SNED1: variants seen among roughly 807,000 people sequenced by gnomAD.
SNED1 encodes sushi, nidogen and EGF like domains 1.
In SNED1, 81 loss-of-function variants were observed where a neutral mutation model predicts 166.7. The observed-to-expected ratio is 0.49, with a 90% CI of 0.41 to 0.58. The LOEUF is 0.58. Ranked by LOEUF, SNED1 falls within the 20% of genes least tolerant of loss-of-function variation. SNED1 has a pLI of 0.00. For synonymous variants in SNED1, 762 were observed against 822.0 expected (o/e 0.93, Z 1.25); for missense variants, 1,604 against 2,000.2 (o/e 0.80, Z 3.78).
In SNED1 at chr2:241,048,335, G is replaced by A. The variant is rs77411487; in HGVS notation, c.1294G>A (p.Ala432Thr). Reference protein sequence around the residue: ...CETGDHPVPDACLSAPCHNGG... With the variant: ...CETGDHPVPDTCLSAPCHNGG... ...TGCAGGAGACCATCCAGTGCCAGAC[G>A]CCTGCCTCTCGGCCCCTTGCCACAA... Residue 432 changes from alanine to threonine, a missense_variant, in exon 9 of 32, where the codon GCC (alanine) becomes ACC (threonine). Around this residue, in one of 2 missense-constraint regions of SNED1, gnomAD observed 1,237 missense variants for 1,620.8 expected, o/e 0.76. Coordinates refer to ENST00000310397, the MANE Select transcript of SNED1 (RefSeq NM_001080437.3). 137 of 1,608,534 alleles carry A rather than the reference G, an allele frequency of 8.5e-5. No individual in the cohort carries two copies. Among genetic ancestry groups the A allele is most frequent in the Non-Finnish European group, 1.1e-4 (128 of 1,178,028 alleles).
chr2:241,000,509 G>A (rs749397205), intron 1 of SNED1, among the ~76,000 whole-genome samples: 1 of 152,216 alleles, frequency 6.6e-6, no homozygotes, highest in Non-Finnish European at 1.5e-5. Context: ...TCCACTTGAG[G>A]TATGGGACAC....
intron 1 of SNED1, among the ~76,000 whole-genome samples, chr2:241,002,146 A>G (rs189300056): frequency 6.6e-6 from 1 of 151,940 alleles, no homozygotes; most frequent in East Asian, 1.9e-4. Context: ...CTGTCTCCCC[A>G]TCTGTGTGGT....
At position 241,035,890 on chromosome 2, in the gene SNED1, C is replaced by T. The variant is rs540590104; in HGVS notation, c.806-900C>T. Among the ~76,000 whole-genome samples, 384 of 75,456 alleles carry T rather than the reference C, an allele frequency of 5.1e-3. 9 individuals carry two copies. The highest frequency in any genetic ancestry group is 0.021 in the African/African-American group (361 of 17,438). The allele number at this position is 75,456 out of a possible 152,430, so 49.5% of individuals were successfully genotyped here. A position where few individuals can be genotyped will look rare whatever the true frequency, so the allele number is the denominator to read the frequency against. On this transcript the variant is annotated intron_variant, in intron 4 of 31. Coordinates refer to ENST00000310397, the MANE Select transcript of SNED1 (RefSeq NM_001080437.3). Reference sequence around the variant, plus strand: ...AGAGGGTGTGGGAGGTGGGGGCGTGCCATGGGGTGGGGGGTGCAGGCGTGC... The same window carrying T: ...AGAGGGTGTGGGAGGTGGGGGCGTGTCATGGGGTGGGGGGTGCAGGCGTGC...
chr2:241,008,287 C>T (rs986732468), intron 1 of SNED1, among the ~76,000 whole-genome samples: 5 of 152,238 alleles, frequency 3.3e-5, no homozygotes, highest in Non-Finnish European at 7.4e-5. Flanking sequence ...CAGCCCCTCC[C>T]TCCGAGGGCT....
At chr2:241,016,931 C>T (rs1282409227) in intron 1 of SNED1, among the ~76,000 whole-genome samples, 1 of 149,046 alleles carries the variant, frequency 6.7e-6, no homozygotes, top group Non-Finnish European at 1.5e-5. Flanking sequence ...CGGCTCACTG[C>T]AACCTCTGCC....
chr2:241,006,812 C>A (rs1466317778), intron 1 of SNED1, among the ~76,000 whole-genome samples: 2 of 152,110 alleles, frequency 1.3e-5, no homozygotes, highest in East Asian at 3.8e-4. Context: ...CTAAAAAGAA[C>A]CAGGGTGCCT....
At chr2:241,077,947 C>T (rs1010008227) in intron 27 of SNED1, among the ~76,000 whole-genome samples, 2 of 152,136 alleles carry the variant, frequency 1.3e-5, no homozygotes, top group African/African-American at 2.4e-5. Context: ...CAATAGTTAC[C>T]GCATGACCCA....
At chr2:241,070,800 G>C (rs2062671900) in intron 24 of SNED1, among the ~76,000 whole-genome samples, 1 of 152,232 alleles carries the variant, frequency 6.6e-6, no homozygotes, top group Non-Finnish European at 1.5e-5. Flanking sequence ...GTGGGAAAAT[G>C]CAGGAGCAGA....
In SNED1 at chr2:241,064,994, A is replaced by AG. The variant is rs2062380546; in HGVS notation, c.2713+42dup. On this transcript the variant is annotated intron_variant, in intron 20 of 31. Coordinates refer to ENST00000310397, the MANE Select transcript of SNED1 (RefSeq NM_001080437.3). The surrounding 1 kb of genome is among the most constrained non-coding windows in gnomAD (Gnocchi z 7.0). ...GGGCGCCTCCAGTGAGGGAGCCACG[A>AG]GGGGGTCCCCTCTCCCTAGAGGGCC... The AG allele has an allele frequency of 1.4e-6, 2 of 1,470,098 alleles. No homozygotes were observed. The highest frequency in any genetic ancestry group is 1.3e-5 in the South Asian group (1 of 79,358). The allele number at this position is 1,470,098 out of a possible 1,614,324, so 91.1% of individuals were successfully genotyped here.
At chr2:241,019,063 G>A (rs1312234722) in intron 1 of SNED1, among the ~76,000 whole-genome samples, 1 of 152,110 alleles carries the variant, frequency 6.6e-6, no homozygotes, top group Non-Finnish European at 1.5e-5. Context: ...TCAGGACCAG[G>A]AGCACATGCC....
chr2:241,045,097 A>C (rs2061614172), intron 8 of SNED1, among the ~76,000 whole-genome samples: 1 of 152,236 alleles, frequency 6.6e-6, no homozygotes, highest in Non-Finnish European at 1.5e-5. Flanking sequence ...GTATAAATCT[A>C]CTAAAACATT....
At chr2:241,048,865 G>C in intron 10 of SNED1, 99 bp downstream of exon 10, 3 of 1,221,508 alleles carry the variant, frequency 2.5e-6, no homozygotes, top group Admixed American at 2.0e-5. Flanking sequence ...CCAGACTGTC[G>C]ACCATTGGTT....
At position 241,071,500 on chromosome 2, in the gene SNED1, C is replaced by T. The variant is rs779191132; in HGVS notation, c.3590-76C>T. On this transcript the variant is annotated intron_variant, in intron 24 of 31. Transcript: ENST00000310397. ...CAAGCACGGCTGAGTGTGAGGGGCA[C>T]CACCCATGCCACAGGGGCAGGGACA... 4 of 1,493,638 alleles carry T rather than the reference C, an allele frequency of 2.7e-6. No homozygotes were observed. In the South Asian group the frequency reaches 3.6e-5, roughly 13 times the overall value. 92.5% of individuals were successfully genotyped at this position (1,493,638 alleles called of 1,614,324 possible).
intron 1 of SNED1, among the ~76,000 whole-genome samples, chr2:241,025,623 C>T (rs745521750): frequency 3.3e-5 from 5 of 151,998 alleles, no homozygotes; most frequent in Admixed American, 1.3e-4. Flanking sequence ...TTACATTTCC[C>T]TCTGACTTGA....
intron 27 of SNED1, among the ~76,000 whole-genome samples, chr2:241,081,259 A>T (rs570547725): frequency 6.6e-6 from 1 of 150,818 alleles, no homozygotes; most frequent in South Asian, 2.1e-4. Context: ...CATCCATTAG[A>T]GCACCAGGAG....
At chr2:241,031,498 A>T (rs1227163110) in intron 2 of SNED1, among the ~76,000 whole-genome samples, 1 of 152,242 alleles carries the variant, frequency 6.6e-6, no homozygotes, top group African/African-American at 2.4e-5. Context: ...GCCCTGGACG[A>T]AGCAGACAAG....
intron 29 of SNED1, among the ~76,000 whole-genome samples, chr2:241,086,710 A>ACTT (rs1235005855): frequency 6.6e-6 from 1 of 152,188 alleles, no homozygotes; most frequent in African/African-American, 2.4e-5. Flanking sequence ...GTTCTATGAG[A>ACTT]CTTAGCATAT....
At chr2:241,061,336 A>C (rs555587468) in intron 16 of SNED1, among the ~76,000 whole-genome samples, 1 of 152,360 alleles carries the variant, frequency 6.6e-6, no homozygotes, top group Admixed American at 6.5e-5. Flanking sequence ...TCAGCTGGTA[A>C]ATTTTCAGAA....
chr2:241,041,975 C>T lies in SNED1; in HGVS notation c.1273+1562C>T, dbSNP rs80342632. On this transcript the variant is annotated intron_variant, in intron 8 of 31. Coordinates refer to ENST00000310397, the MANE Select transcript of SNED1 (RefSeq NM_001080437.3). ...GACAACAGACAGCACAAGCCTGTCACCCCTGAGAAAAGGGAATCAAATGAG... is the reference window on the plus strand; with the variant it reads ...GACAACAGACAGCACAAGCCTGTCATCCCTGAGAAAAGGGAATCAAATGAG... Among the ~76,000 whole-genome samples the T allele has an allele frequency of 5.4e-3, 826 of 152,302 alleles. 3 individuals are homozygous for T. Among genetic ancestry groups the T allele is most frequent in the African/African-American group, 0.019 (776 of 41,558 alleles).
Sources: gnomAD v4.1 joint callset for allele counts (sites outside exome capture counted in the v4.1 genomes callset) on GRCh38, gnomAD v4.1.1 for gene constraint, gnomAD v4.1.1 regional missense constraint, Gnocchi (gnomAD v3.1) non-coding constraint, MANE v1.5 for transcripts, NCBI Gene and HGNC (gene_info 2026-07-23, HGNC 2026-07-21) for gene names.